Variants in PHLPP1 observed in about 807,000 individuals in gnomAD.
PHLPP1 encodes the protein PH domain and leucine rich repeat protein phosphatase 1.
In PHLPP1, 42 loss-of-function variants were observed where a neutral mutation model predicts 117.2. The ratio of observed to expected loss-of-function variants is 0.36; its 90% CI spans 0.28 to 0.46. PHLPP1 has a LOEUF of 0.46. PHLPP1 is among the 20% of genes least tolerant of loss of function. The pLI, the probability that PHLPP1 is intolerant of heterozygous loss-of-function variation, is 1.00. For missense variants in PHLPP1, 2,084 were observed against 2,241.9 expected (o/e 0.93, Z 1.42); for synonymous variants, 1,042 against 970.7 (o/e 1.07, Z -1.37).
At chr18:62,759,117 T>C (rs1245046639) in intron 1 of PHLPP1, among the ~76,000 whole-genome samples, 3 of 152,176 alleles carry the variant, frequency 2.0e-5, no homozygotes, top group African/African-American at 7.2e-5. Flanking sequence ...TACATAAATA[T>C]GACAGAGGGT....
chr18:62,971,631 G>A (rs1911050527), intron 14 of PHLPP1, among the ~76,000 whole-genome samples: 1 of 152,124 alleles, frequency 6.6e-6, no homozygotes, highest in Non-Finnish European at 1.5e-5. Context: ...CTGCAGCCTG[G>A]ACACTTCCCC....
At chr18:62,957,087 C>T (rs1002056350) in intron 12 of PHLPP1, among the ~76,000 whole-genome samples, 3 of 152,138 alleles carry the variant, frequency 2.0e-5, no homozygotes, top group African/African-American at 7.2e-5. Context: ...TTGAAACTTA[C>T]AATAAGGTAC....
intron 3 of PHLPP1, among the ~76,000 whole-genome samples, chr18:62,858,462 C>T (rs979300799): frequency 1.3e-5 from 2 of 152,062 alleles, no homozygotes; most frequent in African/African-American, 2.4e-5. Context: ...GGGGTTTCAC[C>T]ATATTGGCCA....
chr18:62,878,778 TTG>T (rs138248935), intron 4 of PHLPP1, among the ~76,000 whole-genome samples: 20 of 149,884 alleles, frequency 1.3e-4, no homozygotes, highest in Admixed American at 2.7e-4. Context: ...ACTCCTCATA[TTG>T]TGTGTGTGTG....
intron 10 of PHLPP1, among the ~76,000 whole-genome samples, chr18:62,925,628 A>G (rs905650915): frequency 2.0e-5 from 3 of 150,400 alleles, no homozygotes; most frequent in Non-Finnish European, 4.4e-5. Context: ...TATTTCTGGC[A>G]TTTTAAAAAT....
In PHLPP1 at chr18:62,795,347, G is replaced by A. The variant is rs879283312; in HGVS notation, c.1577-34688G>A. 9.2e-5 allele frequency among the ~76,000 whole-genome samples: 14 copies of A among 151,516 alleles called. No individual in the cohort carries two copies. In the East Asian group the frequency reaches 1.2e-3, roughly 13 times the overall value. On this transcript the variant is annotated intron_variant, in intron 1 of 16. Coordinates refer to ENST00000262719, the MANE Select transcript of PHLPP1 (RefSeq NM_194449.4). The stretch of plus-strand genomic sequence containing the variant: ...CAAAAAATTAGCTGGGAGTGGTGGC[G>A]TGCGCCTGTAGTCCCAGCTACTCGG...
intron 1 of PHLPP1, among the ~76,000 whole-genome samples, chr18:62,761,305 T>A (rs1912221236): frequency 6.6e-6 from 1 of 152,144 alleles, no homozygotes; most frequent in Non-Finnish European, 1.5e-5. Context: ...TACTGTTCTC[T>A]AAGCAAGGTG....
chr18:62,958,597 C>A lies in PHLPP1; in HGVS notation c.3325-32C>A, dbSNP rs188449145. The A allele has an allele frequency of 1.4e-3, 2,322 of 1,612,338 alleles. 3 individuals carry two copies. Among genetic ancestry groups the A allele is most frequent in the Non-Finnish European group, 1.9e-3 (2,234 of 1,179,088 alleles). On this transcript the variant is annotated intron_variant, in intron 12 of 16. Transcript: ENST00000262719. Reference sequence around the variant, plus strand: ...TCCCTGAAGAGCTTCTCTAGACCATCTCTTTCTTGTTTGCACTTGTTCTTT... The same window carrying A: ...TCCCTGAAGAGCTTCTCTAGACCATATCTTTCTTGTTTGCACTTGTTCTTT...
chr18:62,871,557 A>G (rs1267986324), intron 4 of PHLPP1, among the ~76,000 whole-genome samples: 1 of 151,158 alleles, frequency 6.6e-6, no homozygotes, highest in East Asian at 1.9e-4. Flanking sequence ...CCAACTCCTG[A>G]CCTCAGGTGA....
chr18:62,841,938 G>T lies in PHLPP1; in HGVS notation c.1899+3029G>T, dbSNP rs775034243. ...TGGGGTCAAGAGTTTGAGTTTCAAA[G>T]TAAGGCAGGCATGGATTCCACCATT... On this transcript the variant is annotated intron_variant, in intron 3 of 16. Transcript: ENST00000262719. Among the ~76,000 whole-genome samples the T allele has an allele frequency of 2.0e-5, 3 of 152,234 alleles. No homozygotes were observed. The East Asian group carries it at 5.8e-4, about 29-fold the overall frequency.
intron 4 of PHLPP1, among the ~76,000 whole-genome samples, chr18:62,877,298 TC>T (rs1916071490): frequency 6.6e-6 from 1 of 152,236 alleles, no homozygotes; most frequent in Non-Finnish European, 1.5e-5. Flanking sequence ...CATGAAGACT[TC>T]TTTTAATGGA....
At chr18:62,867,383 C>T (rs1057394797) in intron 4 of PHLPP1, among the ~76,000 whole-genome samples, 1 of 152,166 alleles carries the variant, frequency 6.6e-6, no homozygotes, top group African/African-American at 2.4e-5. Flanking sequence ...CTTCTCTTTC[C>T]CCTATCCTCT....
At chr18:62,729,206 A>C (rs1255616706) in intron 1 of PHLPP1, among the ~76,000 whole-genome samples, 3 of 152,216 alleles carry the variant, frequency 2.0e-5, no homozygotes, top group African/African-American at 4.8e-5. Context: ...GTTATTATAT[A>C]AATGACTGCA....
Position 62,895,989 on chromosome 18 carries a change from C to T in PHLPP1, c.2422C>T (p.His808Tyr), listed in dbSNP as rs761760528. The change falls in exon 6 of 17, where the codon CAC (histidine) becomes TAC (tyrosine). Residue 808 changes from histidine (H) to tyrosine (Y), a missense_variant. Transcript: ENST00000262719. ...GCTACAGGCTTTAAGAAAAATGCCT[C>T]ACATTAAACATGTGGATCTAAGGTA... ...LRLQALRKMP[H>Y]IKHVDLRLNV... 1 of 1,609,110 alleles carries T rather than the reference C, an allele frequency of 6.2e-7. No homozygotes were observed. The highest frequency in any genetic ancestry group is 8.5e-7 in the Non-Finnish European group (1 of 1,175,652).
intron 10 of PHLPP1, among the ~76,000 whole-genome samples, chr18:62,928,301 C>T (rs1042526048): frequency 1.3e-4 from 19 of 151,508 alleles, no homozygotes; most frequent in African/African-American, 4.6e-4. Flanking sequence ...CTTGAAAGAA[C>T]TCTTACAATT....
At chr18:62,914,801 T>A in intron 8 of PHLPP1, 112 bp from the exon 9 acceptor site, 1 of 707,126 alleles carries the variant, frequency 1.4e-6, no homozygotes, top group Non-Finnish European at 2.4e-6. Context: ...ATTTATGCCC[T>A]TGGTACTTTG....
At position 62,932,693 on chromosome 18, in the gene PHLPP1, CT is replaced by C. The variant is rs778730749; in HGVS notation, c.2961-9024del. Among the ~76,000 whole-genome samples the C allele has an allele frequency of 2.0e-5, 3 of 152,242 alleles. No homozygotes were observed. The East Asian group carries it at 5.8e-4, about 29-fold the overall frequency. ...TGGGCAAAAGTTGAAAGTGTTCCCC[CT>C]AACACTGGAACAAGACAAGTATGCC... On this transcript the variant is annotated intron_variant, in intron 10 of 16. Transcript: ENST00000262719.
intron 12 of PHLPP1, among the ~76,000 whole-genome samples, chr18:62,946,481 G>A (rs1457510828): frequency 6.6e-6 from 1 of 151,908 alleles, no homozygotes; most frequent in Non-Finnish European, 1.5e-5. Flanking sequence ...TGGCCAGGCT[G>A]GTCTTGAACT....
chr18:62,720,874 G>A (rs1057460533), intron 1 of PHLPP1, among the ~76,000 whole-genome samples: 4 of 151,732 alleles, frequency 2.6e-5, no homozygotes, highest in East Asian at 1.9e-4. Flanking sequence ...TATTTCATTC[G>A]CCCTTTCAAA....
Sources: gnomAD v4.1 joint callset for allele counts (sites outside exome capture counted in the v4.1 genomes callset) on GRCh38, gnomAD v4.1.1 for gene constraint, MANE v1.5 for transcripts, NCBI Gene and HGNC (gene_info 2026-07-23, HGNC 2026-07-21) for gene names.